Variants in ANKIB1 observed in about 807,000 individuals in gnomAD.
The protein encoded by ANKIB1 is ankyrin repeat and IBR domain-containing protein 1.
ANKIB1 carries 43 observed loss-of-function variants against 122.1 expected under a neutral mutation model. The ratio of observed to expected loss-of-function variants is 0.35; its 90% CI spans 0.28 to 0.45. ANKIB1 has a LOEUF of 0.45. Ranked by LOEUF, ANKIB1 falls within the 20% of genes least tolerant of loss-of-function variation. The pLI, the probability that ANKIB1 is intolerant of heterozygous loss-of-function variation, is 1.00. For synonymous variants in ANKIB1, 390 were observed against 442.0 expected (o/e 0.88, Z 1.48); for missense variants, 992 against 1,329.5 (o/e 0.75, Z 3.95).
At chr7:92,258,569 A>G (rs1801497208) in intron 1 of ANKIB1, among the ~76,000 whole-genome samples, 1 of 152,208 alleles carries the variant, frequency 6.6e-6, no homozygotes. Flanking sequence ...GGTACTGGTT[A>G]TATACGATCA....
intron 5 of ANKIB1, among the ~76,000 whole-genome samples, chr7:92,337,062 T>C (rs1175173648): frequency 6.6e-6 from 1 of 152,212 alleles, no homozygotes; most frequent in Non-Finnish European, 1.5e-5. Flanking sequence ...ATATCTTTTA[T>C]CTGGTTTAAT....
At chr7:92,276,468 A>G (rs1435195525) in intron 1 of ANKIB1, among the ~76,000 whole-genome samples, 1 of 152,374 alleles carries the variant, frequency 6.6e-6, no homozygotes, top group East Asian at 1.9e-4. Flanking sequence ...AAGTTTCCAG[A>G]TACCAATCAT....
intron 16 of ANKIB1, among the ~76,000 whole-genome samples, 197 bp from the exon 17 acceptor site, chr7:92,392,044 A>G (rs1804797954): frequency 6.6e-6 from 1 of 152,114 alleles, no homozygotes; most frequent in East Asian, 1.9e-4. Flanking sequence ...TTTTTTGATC[A>G]TTTTACACAA....
At chr7:92,296,289 C>T (rs1266314928) in intron 2 of ANKIB1, among the ~76,000 whole-genome samples, 2 of 151,724 alleles carry the variant, frequency 1.3e-5, no homozygotes, top group Non-Finnish European at 2.9e-5. Flanking sequence ...GTGGTGTGAT[C>T]ATAATTTGCT....
chr7:92,273,408 C>T (rs2131894539), intron 1 of ANKIB1, among the ~76,000 whole-genome samples: 1 of 152,284 alleles, frequency 6.6e-6, no homozygotes, highest in East Asian at 1.9e-4. Flanking sequence ...CTCTAGACAA[C>T]ATCCATAAAC....
rs147432747 is a variant in ANKIB1, at chr7:92,388,394, C to A, written c.1906+353C>A. Among the ~76,000 whole-genome samples, 158 of 152,322 alleles carry A rather than the reference C, an allele frequency of 1.0e-3. 4 individuals carry two copies. Among genetic ancestry groups the A allele is most frequent in the African/African-American group, 3.8e-3 (157 of 41,574 alleles). On this transcript the variant is annotated intron_variant, in intron 14 of 19. Transcript: ENST00000265742. The stretch of plus-strand genomic sequence containing the variant: ...TCAGAGGAGCAAGATACACGTGCTA[C>A]CCAATTGTCATGTAACTGAATACCC...
chr7:92,284,058 T>A (rs1040832956), intron 1 of ANKIB1, among the ~76,000 whole-genome samples: 2 of 152,184 alleles, frequency 1.3e-5, no homozygotes, highest in Non-Finnish European at 2.9e-5. Context: ...CATGAGCCAC[T>A]GCACCCGGCC....
chr7:92,290,602 A>G (rs1802226480), intron 1 of ANKIB1, among the ~76,000 whole-genome samples: 1 of 152,146 alleles, frequency 6.6e-6, no homozygotes, highest in Admixed American at 6.5e-5. Flanking sequence ...TATGGTTACT[A>G]TTTTTACTAA....
At chr7:92,396,132 G>C in intron 17 of ANKIB1, 2 of 509,360 alleles carry the variant, frequency 3.9e-6, no homozygotes, top group East Asian at 7.4e-5. Context: ...ACTGGGGCTT[G>C]CAAGTATTCC....
intron 17 of ANKIB1, among the ~76,000 whole-genome samples, chr7:92,395,237 G>T (rs139805322): frequency 9.9e-5 from 15 of 152,272 alleles, no homozygotes; most frequent in African/African-American, 3.4e-4. Context: ...CACAAATGTG[G>T]AATAGGCTGA....
chr7:92,270,143 G>C (rs1801757204), intron 1 of ANKIB1, among the ~76,000 whole-genome samples: 2 of 152,106 alleles, frequency 1.3e-5, no homozygotes, highest in Non-Finnish European at 1.5e-5. Flanking sequence ...GCTTACTACA[G>C]CCTCGACTTC....
chr7:92,325,285 T>C (rs776546886), intron 4 of ANKIB1, among the ~76,000 whole-genome samples: 2 of 152,230 alleles, frequency 1.3e-5, no homozygotes, highest in Non-Finnish European at 2.9e-5. Flanking sequence ...AAGAAACTCA[T>C]GCTGGACATT....
chr7:92,341,407 C>G (rs370623333), intron 5 of ANKIB1, among the ~76,000 whole-genome samples: 2 of 151,244 alleles, frequency 1.3e-5, no homozygotes, highest in African/African-American at 4.9e-5. Context: ...TAGTCTCATT[C>G]CAGGGAATTT....
intron 1 of ANKIB1, among the ~76,000 whole-genome samples, chr7:92,262,469 T>C (rs1037746728): frequency 6.6e-6 from 1 of 152,190 alleles, no homozygotes; most frequent in African/African-American, 2.4e-5. Flanking sequence ...AAAAACTGAA[T>C]TATCTGTATA....
chr7:92,284,347 G>C (rs1219123246), intron 1 of ANKIB1, among the ~76,000 whole-genome samples: 2 of 152,206 alleles, frequency 1.3e-5, no homozygotes, highest in Non-Finnish European at 2.9e-5. Context: ...ACTCTGCCCT[G>C]ATTGCCGTTA....
intron 1 of ANKIB1, among the ~76,000 whole-genome samples, chr7:92,274,622 GGAGA>G (rs1801862506): frequency 1.3e-5 from 2 of 152,042 alleles, no homozygotes; most frequent in African/African-American, 2.4e-5. Flanking sequence ...GCATTAGCTG[GGAGA>G]GAGAATCTGG....
intron 9 of ANKIB1, among the ~76,000 whole-genome samples, chr7:92,358,700 T>A (rs962609977): frequency 1.3e-5 from 2 of 152,096 alleles, no homozygotes; most frequent in East Asian, 3.9e-4. Flanking sequence ...CTGTTTAATC[T>A]CCAGGGGAAA....
Position 92,379,116 on chromosome 7 carries a change from C to T in ANKIB1, c.1618-7393C>T, listed in dbSNP as rs377559112. On this transcript the variant is annotated intron_variant, in intron 11 of 19. Transcript: ENST00000265742. ...TCTAAGTAAACTAATTTAGGCTGGG[C>T]GCGGTGGCTCACGCCAGTAATTCCA... 1.6e-4 allele frequency among the ~76,000 whole-genome samples: 24 copies of T among 152,328 alleles called. 1 individual carries two copies. Among genetic ancestry groups the T allele is most frequent in the African/African-American group, 5.1e-4 (21 of 41,576 alleles).
chr7:92,277,753 C>T (rs575128756), intron 1 of ANKIB1, among the ~76,000 whole-genome samples: 163 of 152,048 alleles, frequency 1.1e-3, no homozygotes, highest in Non-Finnish European at 1.9e-3. Context: ...TCAAGACCAG[C>T]CTGGGCAACA....
Sources: allele counts gnomAD v4.1 joint callset (sites outside exome capture counted in the v4.1 genomes callset), GRCh38; gene constraint gnomAD v4.1.1; transcripts MANE v1.5; gene names NCBI Gene and HGNC (gene_info 2026-07-23, HGNC 2026-07-21).